Variants in CACNA2D3 observed in about 807,000 individuals in gnomAD.
CACNA2D3 encodes the protein calcium voltage-gated channel auxiliary subunit alpha2delta 3.
In CACNA2D3, 60 loss-of-function variants were observed where a neutral mutation model predicts 160.6. The observed-to-expected ratio is 0.37, with a 90% CI of 0.30 to 0.46. The LOEUF is 0.46. Among genes scored for constraint, CACNA2D3 ranks in the 20% least tolerant of loss-of-function variants. The probability of loss-of-function intolerance (pLI) is 1.00; values close to 1 mark genes in which losing one functional copy is unlikely to be tolerated. For missense variants in CACNA2D3, 1,205 were observed against 1,365.0 expected, an observed-to-expected ratio of 0.88 and a Z score of 1.85; for synonymous variants, 558 against 492.9, an observed-to-expected ratio of 1.13 and a Z score of -1.75.
chr3:54,243,183 C>T (rs1012983481), intron 2 of CACNA2D3, among the ~76,000 whole-genome samples: 8 of 152,150 alleles, frequency 5.3e-5, no homozygotes, highest in Non-Finnish European at 7.3e-5. Context: ...ATCCTGTGTT[C>T]TTGTGGAGTC....
intron 2 of CACNA2D3, among the ~76,000 whole-genome samples, chr3:54,175,538 G>C (rs761827303): frequency 2.1e-4 from 31 of 150,958 alleles, no homozygotes; most frequent in African/African-American, 7.6e-4. Flanking sequence ...GTGTGAACCC[G>C]GGAGGCAGAA....
At chr3:54,503,405 A>G (rs1701323220) in intron 4 of CACNA2D3, 87 bp from the exon 5 acceptor site, 4 of 1,146,204 alleles carry the variant, frequency 3.5e-6, no homozygotes, top group Non-Finnish European at 5.2e-6. Flanking sequence ...AGTGTAAGGG[A>G]TGGCACATGG....
chr3:54,701,331 C>T (rs1028627053), intron 11 of CACNA2D3, among the ~76,000 whole-genome samples: 1 of 152,202 alleles, frequency 6.6e-6, no homozygotes, highest in Non-Finnish European at 1.5e-5. Context: ...GTAAAATCAA[C>T]CCTACCATGT....
intron 5 of CACNA2D3, among the ~76,000 whole-genome samples, chr3:54,510,075 A>G (rs1436683183): frequency 1.3e-5 from 2 of 152,080 alleles, no homozygotes; most frequent in Non-Finnish European, 2.9e-5. Context: ...GAGTAGGTGG[A>G]TGGATGGATA....
intron 5 of CACNA2D3, among the ~76,000 whole-genome samples, chr3:54,538,016 C>T (rs1298995614): frequency 1.3e-5 from 2 of 152,200 alleles, no homozygotes; most frequent in African/African-American, 4.8e-5. Context: ...ATTTTTCACC[C>T]AGGAGTGCTC....
intron 4 of CACNA2D3, among the ~76,000 whole-genome samples, chr3:54,402,659 TAGAC>T (rs1465311766): frequency 2.6e-5 from 4 of 152,108 alleles, no homozygotes; most frequent in Admixed American, 6.5e-5. Context: ...AAGGGAGAAA[TAGAC>T]AGCAATACAA....
chr3:54,922,623 G>A (rs1002017328), intron 27 of CACNA2D3, among the ~76,000 whole-genome samples: 12 of 152,118 alleles, frequency 7.9e-5, no homozygotes, highest in Admixed American at 3.9e-4. Flanking sequence ...CCTCATTCCC[G>A]CTGAGAACCG....
chr3:54,285,006 T>C (rs1702974874), intron 2 of CACNA2D3, among the ~76,000 whole-genome samples: 1 of 152,206 alleles, frequency 6.6e-6, no homozygotes, highest in South Asian at 2.1e-4. Flanking sequence ...GCATGAGCGA[T>C]GCAGAAGACG....
chr3:54,452,379 T>G (rs1435250486), intron 4 of CACNA2D3, among the ~76,000 whole-genome samples: 1 of 152,198 alleles, frequency 6.6e-6, no homozygotes, highest in African/African-American at 2.4e-5. Flanking sequence ...GCTCTGCCCT[T>G]GACACATGGA....
At chr3:54,286,602 A>G (rs1488155894) in intron 2 of CACNA2D3, among the ~76,000 whole-genome samples, 1 of 152,226 alleles carries the variant, frequency 6.6e-6, no homozygotes, top group Non-Finnish European at 1.5e-5. Flanking sequence ...TTCCTCGAGA[A>G]GAGCAACTCC....
intron 2 of CACNA2D3, among the ~76,000 whole-genome samples, chr3:54,174,920 G>C (rs1024525085): frequency 8.5e-5 from 13 of 152,180 alleles, no homozygotes; most frequent in African/African-American, 3.1e-4. Context: ...ATCGATTTTT[G>C]AGGTATTGTT....
intron 27 of CACNA2D3, among the ~76,000 whole-genome samples, chr3:54,908,156 A>G (rs1700485239): frequency 1.3e-5 from 2 of 152,230 alleles, no homozygotes; most frequent in South Asian, 2.1e-4. Context: ...TGGCTGCACC[A>G]TTTTACAACA....
intron 11 of CACNA2D3, among the ~76,000 whole-genome samples, chr3:54,731,325 G>A (rs1380323982): frequency 6.6e-6 from 1 of 152,158 alleles, no homozygotes; most frequent in Non-Finnish European, 1.5e-5. Flanking sequence ...TACTATTCCT[G>A]TTATTGGCAT....
chr3:54,431,604 T>C (rs889528469), intron 4 of CACNA2D3, among the ~76,000 whole-genome samples: 2 of 152,150 alleles, frequency 1.3e-5, no homozygotes, highest in African/African-American at 4.8e-5. Flanking sequence ...TTTATGGTTA[T>C]GAAAATATGG....
chr3:55,022,668 C>T (rs1703485205), intron 35 of CACNA2D3, among the ~76,000 whole-genome samples: 2 of 129,188 alleles, frequency 1.5e-5, no homozygotes, highest in Admixed American at 8.5e-5. Context: ...TCCTTTTCTT[C>T]GTTTCTTTCC....
chr3:54,620,891 A>G (rs1422412577), intron 9 of CACNA2D3, among the ~76,000 whole-genome samples: 1 of 152,216 alleles, frequency 6.6e-6, no homozygotes, highest in Admixed American at 6.5e-5. Context: ...CAAACAAAGT[A>G]ATGTACAAAA....
intron 2 of CACNA2D3, among the ~76,000 whole-genome samples, chr3:54,311,731 C>T (rs1249686631): frequency 6.6e-6 from 1 of 152,162 alleles, no homozygotes; most frequent in Non-Finnish European, 1.5e-5. Flanking sequence ...CTCCTTTTAC[C>T]CCAAGGGAAC....
At chr3:54,810,806 C>T (rs1000551234) in intron 13 of CACNA2D3, among the ~76,000 whole-genome samples, 3 of 152,188 alleles carry the variant, frequency 2.0e-5, no homozygotes, top group Admixed American at 1.3e-4. Context: ...CAATCACCCC[C>T]ATGGGTCTGT....
intron 2 of CACNA2D3, among the ~76,000 whole-genome samples, chr3:54,303,963 T>C (rs1387111054): frequency 3.3e-5 from 5 of 152,024 alleles, no homozygotes; most frequent in Admixed American, 3.3e-4. Context: ...GGAGGGACAC[T>C]GGGTTTGAGT....
Sources: gnomAD v4.1 joint callset for allele counts (sites outside exome capture counted in the v4.1 genomes callset) on GRCh38, gnomAD v4.1.1 for gene constraint, MANE v1.5 for transcripts, NCBI Gene and HGNC (gene_info 2026-07-23, HGNC 2026-07-21) for gene names.